Variants in ASTN1 observed in about 807,000 individuals in gnomAD.
ASTN1 encodes the protein astrotactin-1.
A neutral mutation model predicts 140.7 loss-of-function variants in ASTN1; 41 were observed. The observed-to-expected ratio is 0.29, with a 90% CI of 0.23 to 0.38. ASTN1 has a LOEUF of 0.38. Among genes scored for constraint, ASTN1 ranks in the 10% least tolerant of loss-of-function variants. ASTN1 has a pLI of 1.00. For missense variants in ASTN1, 1,479 were observed against 1,678.8 expected (o/e 0.88, Z 2.08); for synonymous variants, 640 against 652.2 (o/e 0.98, Z 0.29).
At chr1:177,131,499 T>A (rs1179444126) in intron 1 of ASTN1, among the ~76,000 whole-genome samples, 2 of 151,958 alleles carry the variant, frequency 1.3e-5, no homozygotes, top group Non-Finnish European at 2.9e-5. Context: ...AGTAAACCCA[T>A]CTGCTGCCTT....
chr1:177,066,689 G>A (rs1418511734), intron 1 of ASTN1, among the ~76,000 whole-genome samples: 1 of 152,174 alleles, frequency 6.6e-6, no homozygotes, highest in Non-Finnish European at 1.5e-5. Context: ...ACCTCATTGA[G>A]GACCAGCTCC....
intron 16 of ASTN1, among the ~76,000 whole-genome samples, chr1:176,911,771 T>C (rs1005811913): frequency 6.6e-6 from 1 of 152,198 alleles, no homozygotes; most frequent in Non-Finnish European, 1.5e-5. Flanking sequence ...CACTCTAAAA[T>C]AATGATAAAA....
intron 1 of ASTN1, among the ~76,000 whole-genome samples, chr1:177,070,585 G>GTATCTAT (rs3041041): frequency 1 from 151,950 of 152,270 alleles, 75,818 homozygotes; most frequent in Middle Eastern, 1. Context: ...AAGTAATAAT[G>GTATCTAT]TATGCACTGG....
rs768929252 is a variant in ASTN1 at position 177,030,874 on chromosome 1, T to C, written c.944A>G (p.His315Arg). The C allele has an allele frequency of 5.0e-6, 8 of 1,614,042 alleles. No homozygotes were observed. The highest frequency in any genetic ancestry group is 4.4e-5 in the South Asian group (4 of 91,086). ...GTGAGAGAGAAGGGTGGCTTGCTGG[T>C]GGTTGGAGTCCACAGGGCTAGTGGC... ...IIATSPVDSN[H>R]QQATLLSHTS... Residue 315 changes from histidine to arginine, a missense_variant, in exon 4 of 23, where the codon CAC becomes CGC. Transcript: ENST00000361833.
chr1:177,121,807 G>A (rs1174818386), intron 1 of ASTN1, among the ~76,000 whole-genome samples: 1 of 152,112 alleles, frequency 6.6e-6, no homozygotes, highest in African/African-American at 2.4e-5. Context: ...GTTTTGTGAT[G>A]AGAACCTAGA....
In ASTN1 at chr1:176,936,096, G is replaced by A. The variant is rs1469914825; in HGVS notation, c.2482+170C>T. Reference sequence around the variant, plus strand: ...GTAATCTCTACTTAGAAAAGAATTCGATTCTAGCCATCTGCTCTTCTGGAT... The same window carrying A: ...GTAATCTCTACTTAGAAAAGAATTCAATTCTAGCCATCTGCTCTTCTGGAT... On this transcript the variant is annotated intron_variant, in intron 15 of 22. Transcript: ENST00000361833. 3.4e-5 allele frequency: 24 copies of A among 698,804 alleles called. No individual in the cohort carries two copies. In the East Asian group the frequency reaches 5.2e-4, roughly 15 times the overall value. 43.3% of individuals were successfully genotyped at this position (698,804 alleles called of 1,614,324 possible).
intron 16 of ASTN1, among the ~76,000 whole-genome samples, chr1:176,919,651 TA>T (rs1670647434): frequency 6.6e-6 from 1 of 152,028 alleles, no homozygotes; most frequent in South Asian, 2.1e-4. Flanking sequence ...AGGGAAGAAG[TA>T]AAACAGACCA....
rs185420699 is a variant in ASTN1 at position 177,003,738 on chromosome 1, C to A, written c.1523+11053G>T. On this transcript the variant is annotated intron_variant, in intron 8 of 22. Transcript: ENST00000361833. Reference sequence around the variant, plus strand: ...GAGGCAGGAGAATCGCTTGAACTTGCGAGGCAGAGGTTGCAGTGAGCCAAG... The same window carrying A: ...GAGGCAGGAGAATCGCTTGAACTTGAGAGGCAGAGGTTGCAGTGAGCCAAG... Among the ~76,000 whole-genome samples, 1,376 of 151,158 alleles carry A rather than the reference C, an allele frequency of 9.1e-3. 10 individuals are homozygous for A. The highest frequency in any genetic ancestry group is 0.016 in the Non-Finnish European group (1,056 of 67,762).
At chr1:177,104,627 TTAAC>T (rs1680462385) in intron 1 of ASTN1, among the ~76,000 whole-genome samples, 1 of 152,186 alleles carries the variant, frequency 6.6e-6, no homozygotes, top group Admixed American at 6.5e-5. Flanking sequence ...TTTTCGCAGT[TTAAC>T]TATTTCCTGC....
downstream of ASTN1, among the ~76,000 whole-genome samples, chr1:176,859,263 C>A (rs557892751): frequency 1.1e-4 from 17 of 152,240 alleles, no homozygotes; most frequent in African/African-American, 3.9e-4. Flanking sequence ...CTAAGGTTTA[C>A]CCCCTCAGAA....
In ASTN1 at chr1:177,149,347, A is replaced by G. The variant is rs556854360; in HGVS notation, c.283+15047T>C. Reference sequence around the variant, plus strand: ...TATATATAGTAAATATATATATAGTATATATATAGTAAATATATATATAGT... The same window carrying G: ...TATATATAGTAAATATATATATAGTGTATATATAGTAAATATATATATAGT... On this transcript the variant is annotated intron_variant, in intron 1 of 22. Coordinates refer to ENST00000361833, the MANE Select transcript of ASTN1 (RefSeq NM_004319.3). Among the ~76,000 whole-genome samples, 6 of 77,910 alleles carry G rather than the reference A, an allele frequency of 7.7e-5. No individual in the cohort carries two copies. In the South Asian group the frequency reaches 2.1e-3, roughly 27 times the overall value. 51.1% of individuals were successfully genotyped at this position (77,910 alleles called of 152,430 possible). A position where few individuals can be genotyped will look rare whatever the true frequency, so the allele number is the denominator to read the frequency against.
intron 14 of ASTN1, among the ~76,000 whole-genome samples, chr1:176,942,836 GTA>G (rs71129590): frequency 9.9e-5 from 5 of 50,324 alleles, no homozygotes; most frequent in South Asian, 9.5e-4. Flanking sequence ...ATATATATAT[GTA>G]TATATATATA....
intron 11 of ASTN1, among the ~76,000 whole-genome samples, chr1:176,956,581 C>T (rs1424648557): frequency 1.3e-5 from 2 of 152,204 alleles, no homozygotes; most frequent in Non-Finnish European, 2.9e-5. Flanking sequence ...CCTGCTCCAA[C>T]CGCCAATCCA....
At chr1:176,995,206 C>T (rs1167162874) in intron 8 of ASTN1, among the ~76,000 whole-genome samples, 1 of 152,114 alleles carries the variant, frequency 6.6e-6, no homozygotes, top group Non-Finnish European at 1.5e-5. Flanking sequence ...CATAGGGTTA[C>T]AAAGATAAAT....
chr1:176,882,828 A>G (rs1253207141), intron 20 of ASTN1, 31 bp downstream of exon 20: 1 of 1,613,568 alleles, frequency 6.2e-7, no homozygotes, highest in Non-Finnish European at 8.5e-7. Flanking sequence ...TGTCAGGGTA[A>G]GAAGTCACTA....
intron 1 of ASTN1, among the ~76,000 whole-genome samples, chr1:177,067,304 T>G (rs891737679): frequency 1.3e-5 from 2 of 152,154 alleles, no homozygotes; most frequent in South Asian, 4.1e-4. Context: ...ACCTCCACCC[T>G]CTGCTATCTC....
chr1:177,111,789 G>A (rs192227969), intron 1 of ASTN1, among the ~76,000 whole-genome samples: 1 of 152,292 alleles, frequency 6.6e-6, no homozygotes, highest in East Asian at 1.9e-4. Context: ...CTCTACAGCA[G>A]GAGAAAGCAG....
intron 16 of ASTN1, among the ~76,000 whole-genome samples, chr1:176,919,417 G>A (rs1199026350): frequency 6.6e-6 from 1 of 152,116 alleles, no homozygotes; most frequent in Admixed American, 6.5e-5. Context: ...AATTACCCCC[G>A]AAGAAAGAGT....
intron 2 of ASTN1, among the ~76,000 whole-genome samples, chr1:177,049,040 CAT>C (rs780012594): frequency 4.6e-5 from 7 of 152,236 alleles, no homozygotes; most frequent in Admixed American, 6.5e-5. Context: ...ACCATCACCT[CAT>C]ACTCGTAAAT....
Sources: allele counts gnomAD v4.1 joint callset (sites outside exome capture counted in the v4.1 genomes callset), GRCh38; gene constraint gnomAD v4.1.1; transcripts MANE v1.5; gene names NCBI Gene and HGNC (gene_info 2026-07-23, HGNC 2026-07-21).